The following SGSM1 variants were observed in gnomAD, a reference collection of about 807,000 sequenced individuals.
SGSM1 encodes small G protein signaling modulator 1, also known as RUN and TBC1 domain containing 2.
Under a neutral mutation model 133.8 loss-of-function variants are expected in SGSM1, and 73 were observed. The ratio of observed to expected loss-of-function variants is 0.55; its 90% CI spans 0.45 to 0.66. The LOEUF (loss-of-function observed/expected upper bound fraction) is 0.66. Ranked by LOEUF, SGSM1 falls within the 30% of genes least tolerant of loss-of-function variation. The probability of loss-of-function intolerance (pLI) is 0.00; values close to 1 mark genes in which losing one functional copy is unlikely to be tolerated. For missense variants in SGSM1, 1,213 were observed against 1,448.1 expected (o/e 0.84, Z 2.64); for synonymous variants, 563 against 573.0 (o/e 0.98, Z 0.25).
At chr22:24,874,998 A>ACAT (rs1931959166) in intron 12 of SGSM1, among the ~76,000 whole-genome samples, 1 of 152,218 alleles carries the variant, frequency 6.6e-6, no homozygotes, top group Non-Finnish European at 1.5e-5. Flanking sequence ...TGCAAGAATT[A>ACAT]CATCGTACAG....
intron 9 of SGSM1, among the ~76,000 whole-genome samples, chr22:24,864,045 C>G (rs763948443): frequency 6.6e-6 from 1 of 152,128 alleles, no homozygotes; most frequent in Non-Finnish European, 1.5e-5. Flanking sequence ...CTGGCCAGAG[C>G]TCTTTTTTCT....
At chr22:24,824,373 A>G (rs560297479) in intron 2 of SGSM1, among the ~76,000 whole-genome samples, 3 of 152,244 alleles carry the variant, frequency 2.0e-5, no homozygotes, top group Admixed American at 6.5e-5. Flanking sequence ...TGGCCACAGC[A>G]TAGAACCAGG....
In SGSM1 at chr22:24,806,282, C is replaced by T. The variant is rs1291837519; in HGVS notation, c.-44C>T. The stretch of plus-strand genomic sequence containing the variant: ...CGGCCGGAGGAGCTACCGCCGCCAC[C>T]GCCGCCACCGCCTCCTGGGACTCGG... On this transcript the variant is annotated 5_prime_UTR_variant, in exon 1 of 25. Transcript: ENST00000400358. The T allele has an allele frequency of 7.1e-6, 10 of 1,410,948 alleles. No homozygotes were observed. Among genetic ancestry groups the T allele is most frequent in the Middle Eastern group, 2.6e-4 (1 of 3,892 alleles). The allele number at this position is 1,410,948 out of a possible 1,614,324, so 87.4% of individuals were successfully genotyped here.
intron 10 of SGSM1, among the ~76,000 whole-genome samples, chr22:24,867,995 C>A (rs1931549624): frequency 6.6e-6 from 1 of 152,154 alleles, no homozygotes; most frequent in African/African-American, 2.4e-5. Context: ...ACACGCTAGC[C>A]AGAGTCAGCT....
chr22:24,897,931 C>A lies in SGSM1; in HGVS notation c.2023-41C>A. The A allele has an allele frequency of 2.0e-6, 3 of 1,518,784 alleles. No homozygotes were observed. In the South Asian group the frequency reaches 3.8e-5, roughly 19 times the overall value. 94.1% of individuals were successfully genotyped at this position (1,518,784 alleles called of 1,614,324 possible). On this transcript the variant is annotated intron_variant, in intron 18 of 24. Coordinates refer to ENST00000400358, the MANE Select transcript of SGSM1 (RefSeq NM_001098497.3). ...TTGCTGATGTAAGTAATGCTGCAGT[C>A]GACATGCCGGTCCATCTGTTTTTGT... is the stretch of plus-strand genomic sequence containing the variant.
At chr22:24,893,976 T>C (rs1039730809) in intron 17 of SGSM1, among the ~76,000 whole-genome samples, 13 of 152,230 alleles carry the variant, frequency 8.5e-5, no homozygotes, top group African/African-American at 3.1e-4. Flanking sequence ...GCTTATTGAG[T>C]ATCTACTATG....
intron 2 of SGSM1, among the ~76,000 whole-genome samples, chr22:24,833,626 C>G (rs1033651728): frequency 1.1e-4 from 17 of 151,158 alleles, no homozygotes; most frequent in Non-Finnish European, 2.4e-4. Context: ...CCACTGCACT[C>G]CAGCCTGGCG....
Position 24,855,153 on chromosome 22 carries a change from C to T in SGSM1, c.523+90C>T, listed in dbSNP as rs571015132. On this transcript the variant is annotated intron_variant, in intron 6 of 24. Coordinates refer to ENST00000400358, the MANE Select transcript of SGSM1 (RefSeq NM_001098497.3). Reference sequence around the variant, plus strand: ...CCAGGACTCTCTCACCCCTGTCCAGCCTTGCCCATGGAAATGCAGCACTGT... The same window carrying T: ...CCAGGACTCTCTCACCCCTGTCCAGTCTTGCCCATGGAAATGCAGCACTGT... 8.5e-5 allele frequency: 132 copies of T among 1,552,022 alleles called. No homozygotes were observed. The South Asian group carries it at 1.5e-3, about 17-fold the overall frequency.
At chr22:24,840,929 C>T (rs1256017134) in intron 2 of SGSM1, among the ~76,000 whole-genome samples, 1 of 152,196 alleles carries the variant, frequency 6.6e-6, no homozygotes, top group Non-Finnish European at 1.5e-5. Context: ...CGGCTCACTG[C>T]AAGCTCCGCC....
intron 2 of SGSM1, among the ~76,000 whole-genome samples, chr22:24,811,498 C>T (rs1466492565): frequency 6.6e-6 from 1 of 152,130 alleles, no homozygotes; most frequent in Admixed American, 6.5e-5. Context: ...GGGGAAACTT[C>T]CCCAGAATGC....
chr22:24,881,987 A>G (rs1477048670), intron 14 of SGSM1, among the ~76,000 whole-genome samples: 1 of 152,118 alleles, frequency 6.6e-6, no homozygotes, highest in Non-Finnish European at 1.5e-5. Context: ...ATGCCCTGTC[A>G]GCATCTCCCT....
intron 18 of SGSM1, among the ~76,000 whole-genome samples, chr22:24,896,279 A>AG (rs995627778): frequency 7.9e-5 from 12 of 152,198 alleles, no homozygotes; most frequent in African/African-American, 2.9e-4. Flanking sequence ...GGAGTAAAAA[A>AG]AAAACTCTGG....
At chr22:24,861,236 C>G (rs1392518622) in intron 9 of SGSM1, among the ~76,000 whole-genome samples, 1 of 150,772 alleles carries the variant, frequency 6.6e-6, no homozygotes, top group African/African-American at 2.4e-5. Context: ...ACCTGTAATC[C>G]CAGCTACTCA....
Position 24,895,174 on chromosome 22 carries a change from G to T in SGSM1, c.1954-49G>T. ...AGCCCAGCAGTCCTTCCTGCTCTGG[G>T]CCAGGGTGCAGCCTCACCCTCCCTC... On this transcript the variant is annotated intron_variant, in intron 17 of 24. Coordinates refer to ENST00000400358, the MANE Select transcript of SGSM1 (RefSeq NM_001098497.3). 2 of 1,560,284 alleles carry T rather than the reference G, an allele frequency of 1.3e-6. 1 individual carries two copies. Among genetic ancestry groups the T allele is most frequent in the South Asian group, 2.4e-5 (2 of 84,998 alleles).
chr22:24,838,948 G>T (rs1167751796), intron 2 of SGSM1, among the ~76,000 whole-genome samples: 1 of 146,146 alleles, frequency 6.8e-6, no homozygotes, highest in Non-Finnish European at 1.5e-5. Flanking sequence ...AAGCACCATT[G>T]GGATTTTGAT....
At chr22:24,816,531 T>C (rs1472911818) in intron 2 of SGSM1, among the ~76,000 whole-genome samples, 3 of 150,396 alleles carry the variant, frequency 2.0e-5, no homozygotes, top group African/African-American at 7.3e-5. Context: ...TTCTTCTGCC[T>C]CAGCCTCCTG....
chr22:24,907,911 CAAAAAAAAAA>C (rs796505229), intron 21 of SGSM1, among the ~76,000 whole-genome samples: 4 of 57,074 alleles, frequency 7.0e-5, no homozygotes, highest in African/African-American at 1.3e-4. Context: ...GACGCCATCT[CAAAAAAAAAA>C]AAAAAAAAAA....
chr22:24,885,538 A>G (rs574445795), intron 15 of SGSM1, among the ~76,000 whole-genome samples: 2 of 148,562 alleles, frequency 1.3e-5, no homozygotes, highest in African/African-American at 5.0e-5. Flanking sequence ...TCCCGGGTTC[A>G]AGCGATTCTT....
At chr22:24,867,197 C>G in intron 10 of SGSM1, 37 bp downstream of exon 10, 1 of 1,596,762 alleles carries the variant, frequency 6.3e-7, no homozygotes, top group Non-Finnish European at 8.6e-7. Flanking sequence ...CTGCGTATTC[C>G]TCTTGGATCC....
Sources: gnomAD v4.1 joint callset for allele counts (sites outside exome capture counted in the v4.1 genomes callset) on GRCh38, gnomAD v4.1.1 for gene constraint, MANE v1.5 for transcripts, NCBI Gene and HGNC (gene_info 2026-07-23, HGNC 2026-07-21) for gene names.